Variants in ASNS observed in about 807,000 individuals in gnomAD.
ASNS encodes asparagine synthetase [glutamine-hydrolyzing].
Under a neutral mutation model 62.6 loss-of-function variants are expected in ASNS, and 37 were observed. The observed-to-expected ratio is 0.59, with a 90% CI of 0.45 to 0.78. The LOEUF is 0.78. Among genes scored for constraint, ASNS ranks in the 30% least tolerant of loss-of-function variants. ASNS has a pLI of 0.00. For synonymous variants in ASNS, 207 were observed against 237.9 expected (o/e 0.87, Z 1.19); for missense variants, 520 against 682.4 (o/e 0.76, Z 2.65).
In ASNS at chr7:97,852,560, C is replaced by T. The variant is rs114173073; in HGVS notation, c.1477-92G>A. 5,209 of 1,248,980 alleles carry T rather than the reference C, an allele frequency of 4.2e-3. 94 individuals carry two copies. Among genetic ancestry groups the T allele is most frequent in the African/African-American group, 0.039 (2,663 of 67,748 alleles). 77.4% of individuals were successfully genotyped at this position (1,248,980 alleles called of 1,614,324 possible). A position where few individuals can be genotyped will look rare whatever the true frequency, so the allele number is the denominator to read the frequency against. On this transcript the variant is annotated intron_variant, in intron 12 of 12. Coordinates refer to ENST00000394308, the MANE Select transcript of ASNS (RefSeq NM_001673.5). ...TTTCACGAAACAGAAAATGTTAAGA[C>T]GTGACTGTAACTTGTATGAGACCCT...
At chr7:97,904,284 TCACACACACA>T in the ASNS span, among the ~76,000 whole-genome samples, 3 of 135,226 alleles carry the variant, frequency 2.2e-5, no homozygotes, top group Admixed American at 7.6e-5. Context: ...ACTACCAGTT[TCACACACACA>T]CACACACACA....
chr7:97,876,616 C>T (rs1792443627), upstream of ASNS, among the ~76,000 whole-genome samples: 2 of 151,530 alleles, frequency 1.3e-5, no homozygotes, highest in African/African-American at 4.9e-5. Flanking sequence ...TTAGTAGAGA[C>T]GGGGTTTCAC....
chr7:97,880,020 A>G, the ASNS span, among the ~76,000 whole-genome samples: 1 of 152,158 alleles, frequency 6.6e-6, no homozygotes, highest in Non-Finnish European at 1.5e-5. Flanking sequence ...TTCAATAGGC[A>G]TGTCAAGCAT....
chr7:97,886,479 C>T, the ASNS span, among the ~76,000 whole-genome samples: 2 of 152,052 alleles, frequency 1.3e-5, no homozygotes, highest in East Asian at 1.9e-4. Context: ...GCTCCCTTCA[C>T]CAGGAGATCA....
chr7:97,885,763 G>A, the ASNS span: 4 of 238,610 alleles, frequency 1.7e-5, no homozygotes, highest in East Asian at 1.7e-4. Context: ...AAAATACCAG[G>A]TCAACATGTA....
chr7:97,867,461 T>G (rs2088081811), intron 3 of ASNS, among the ~76,000 whole-genome samples: 1 of 152,184 alleles, frequency 6.6e-6, no homozygotes, highest in Non-Finnish European at 1.5e-5. Flanking sequence ...TTTGGCTAAT[T>G]TAGAATAGAA....
chr7:97,876,115 C>T (rs951283703), upstream of ASNS, among the ~76,000 whole-genome samples: 2 of 152,118 alleles, frequency 1.3e-5, no homozygotes, highest in African/African-American at 4.8e-5. Flanking sequence ...CCTCGGCCTC[C>T]CAAAGTGCTG....
chr7:97,899,106 C>G, the ASNS span: 1 of 473,956 alleles, frequency 2.1e-6, no homozygotes, highest in Non-Finnish European at 3.8e-6. Flanking sequence ...GGCACTTGTT[C>G]TTAACAACTG....
At chr7:97,882,048 C>T in the ASNS span, among the ~76,000 whole-genome samples, 6 of 152,164 alleles carry the variant, frequency 3.9e-5, no homozygotes, top group Admixed American at 1.3e-4. Flanking sequence ...AACGAGGTCT[C>T]GTCCTGTTGC....
chr7:97,907,755 C>G, the ASNS span, among the ~76,000 whole-genome samples: 2 of 123,228 alleles, frequency 1.6e-5, no homozygotes, highest in South Asian at 2.9e-4. Context: ...GGTGACAGAG[C>G]AAGACTCCAT....
chr7:97,878,829 A>G, the ASNS span, among the ~76,000 whole-genome samples: 1 of 152,196 alleles, frequency 6.6e-6, no homozygotes, highest in African/African-American at 2.4e-5. Context: ...AAGAGCCCAC[A>G]TTGCCAAGTC....
At chr7:97,858,163 A>G (rs76580431) in intron 7 of ASNS, 115 bp downstream of exon 7, 104 of 1,358,022 alleles carry the variant, frequency 7.7e-5, no homozygotes, top group South Asian at 1.1e-4. Flanking sequence ...TCAATTTAAA[A>G]CAATTGACCC....
At chr7:97,874,886 G>A (rs1792406793), upstream of ASNS, among the ~76,000 whole-genome samples, 1 of 152,248 alleles carries the variant, frequency 6.6e-6, no homozygotes. Context: ...ACTAAATGAA[G>A]TCAATTGTGC....
Position 97,857,613 on chromosome 7 carries a change from G to A in ASNS, c.903+665C>T, listed in dbSNP as rs544242285. The stretch of plus-strand genomic sequence containing the variant: ...CTTAGCCATGATACTATGCCTTTAC[G>A]TTTAAAAAAAAAAAAAAAAAAAAAC... On this transcript the variant is annotated intron_variant, in intron 7 of 12. Coordinates refer to ENST00000394308, the MANE Select transcript of ASNS (RefSeq NM_001673.5). Among the ~76,000 whole-genome samples the A allele has an allele frequency of 3.1e-3, 240 of 78,606 alleles. 1 individual carries two copies. Among genetic ancestry groups the A allele is most frequent in the Non-Finnish European group, 4.3e-3 (179 of 41,534 alleles). 51.6% of individuals were successfully genotyped at this position (78,606 alleles called of 152,430 possible).
chr7:97,894,480 CAAAAAAAA>C, the ASNS span, among the ~76,000 whole-genome samples: 17 of 36,536 alleles, frequency 4.7e-4, no homozygotes, highest in Admixed American at 7.7e-4. Flanking sequence ...TGAGGCTAAC[CAAAAAAAA>C]AAAAAAAAAA....
chr7:97,868,554 A>T (rs1242962290), intron 3 of ASNS, among the ~76,000 whole-genome samples: 3 of 134,132 alleles, frequency 2.2e-5, no homozygotes, highest in Non-Finnish European at 3.1e-5. Flanking sequence ...TAGAAAGAAA[A>T]ATCAAGCAAC....
At chr7:97,913,384 G>T in the ASNS span, among the ~76,000 whole-genome samples, 1 of 152,184 alleles carries the variant, frequency 6.6e-6, no homozygotes, top group African/African-American at 2.4e-5. Flanking sequence ...ATTGGGCCAG[G>T]CCCTCTCCAT....
the ASNS span, among the ~76,000 whole-genome samples, chr7:97,904,796 C>T: frequency 2.0e-5 from 3 of 152,124 alleles, no homozygotes; most frequent in Non-Finnish European, 4.4e-5. Flanking sequence ...AAGAACAATC[C>T]TCCAAAAACG....
At chr7:97,925,662 G>A in the ASNS span, among the ~76,000 whole-genome samples, 1 of 152,312 alleles carries the variant, frequency 6.6e-6, no homozygotes, top group East Asian at 1.9e-4. Flanking sequence ...ACCTCTACAG[G>A]AGCCCCAGGC....
Sources: allele counts gnomAD v4.1 joint callset (sites outside exome capture counted in the v4.1 genomes callset), GRCh38; gene constraint gnomAD v4.1.1; transcripts MANE v1.5; gene names NCBI Gene and HGNC (gene_info 2026-07-23, HGNC 2026-07-21).